PRELID3A: variants seen among roughly 807,000 people sequenced by gnomAD.
PRELID3A encodes the protein PRELI domain containing protein 3A.
PRELID3A carries 27 observed loss-of-function variants against 23.0 expected under a neutral mutation model. That is an observed-to-expected ratio of 1.17 (90% CI 0.87 to 1.62). The LOEUF is 1.62. PRELID3A is among the 40% of genes most tolerant of loss of function. The probability of loss-of-function intolerance (pLI) is 0.00; values close to 1 mark genes in which losing one functional copy is unlikely to be tolerated. For missense variants in PRELID3A, 231 were observed against 231.4 expected (o/e 1.00, Z 0.01); for synonymous variants, 87 against 86.4 (o/e 1.01, Z -0.04).
At chr18:12,417,098 AATTATTTATT>A (rs1488007380) in intron 1 of PRELID3A, among the ~76,000 whole-genome samples, 2 of 152,112 alleles carry the variant, frequency 1.3e-5, no homozygotes, top group Admixed American at 1.3e-4. Context: ...TAATTAGTAA[AATTATTTATT>A]ATGTGCATAT....
intron 1 of PRELID3A, among the ~76,000 whole-genome samples, chr18:12,411,358 C>T (rs909643709): frequency 4.1e-5 from 6 of 146,858 alleles, no homozygotes; most frequent in Non-Finnish European, 7.5e-5. Flanking sequence ...CCCAGCTACT[C>T]GGGAGGCTGA....
chr18:12,416,790 C>A (rs559611056), intron 1 of PRELID3A, among the ~76,000 whole-genome samples: 4 of 151,658 alleles, frequency 2.6e-5, no homozygotes, highest in African/African-American at 9.7e-5. Flanking sequence ...GGACTACAGA[C>A]GCCTGCCACC....
At position 12,432,171 on chromosome 18, in the gene PRELID3A, T is replaced by G. The variant is rs1311344959; in HGVS notation, c.*1055T>G. The G allele has an allele frequency of 6.6e-6, 1 of 152,266 alleles. No individual in the cohort carries two copies. Among genetic ancestry groups the G allele is most frequent in the Non-Finnish European group, 1.5e-5 (1 of 68,054 alleles). 9.4% of individuals were successfully genotyped at this position (152,266 alleles called of 1,614,324 possible). ...GCCTTCCAGAAGTTTTCTGTGCTTA[T>G]GAAAGCGTATGTGTGGCCTTTCTCT... On this transcript the variant is annotated 3_prime_UTR_variant, in exon 7 of 7. Transcript: ENST00000440960.
chr18:12,429,814 C>T (rs3760553), intron 6 of PRELID3A, among the ~76,000 whole-genome samples: 4 of 152,264 alleles, frequency 2.6e-5, no homozygotes, highest in Non-Finnish European at 5.9e-5. Flanking sequence ...GCATCTGCTG[C>T]TGTGAGCGAG....
At chr18:12,411,311 A>T (rs1337663383) in intron 1 of PRELID3A, among the ~76,000 whole-genome samples, 3 of 151,230 alleles carry the variant, frequency 2.0e-5, no homozygotes, top group African/African-American at 4.8e-5. Context: ...TAAAAAAAAA[A>T]AAAAATTAGC....
intron 1 of PRELID3A, among the ~76,000 whole-genome samples, chr18:12,418,007 G>A (rs1006092797): frequency 5.3e-5 from 8 of 152,190 alleles, no homozygotes; most frequent in African/African-American, 1.9e-4. Context: ...AGGGAGCTGC[G>A]AGACCTGGTT....
intron 1 of PRELID3A, among the ~76,000 whole-genome samples, chr18:12,413,933 AGTT>A (rs2029877845): frequency 1.3e-5 from 2 of 152,214 alleles, no homozygotes; most frequent in African/African-American, 4.8e-5. Flanking sequence ...AAATGCTATC[AGTT>A]GTTTTCCTTG....
Position 12,420,413 on chromosome 18 carries a change from C to T in PRELID3A, c.121C>T (p.Arg41Cys). 9 of 1,603,058 alleles carry T rather than the reference C, an allele frequency of 5.6e-6. No homozygotes were observed. Among genetic ancestry groups the T allele is most frequent in the Non-Finnish European group, 7.7e-6 (9 of 1,175,716 alleles). The stretch of plus-strand genomic sequence containing the variant: ...CGTGCTGGGCGTGGATGTGCTACAG[C>T]GCCGCGTGGACGGCCGCGGCCGCCT... Reference protein sequence around the residue: ...PSVLGVDVLQRRVDGRGRLHS... With the variant: ...PSVLGVDVLQCRVDGRGRLHS... Residue 41 changes from arginine to cysteine, a missense_variant, in exon 2 of 7, where the codon CGC (arginine) becomes TGC (cysteine). Physicochemically the swap from Arg to Cys is radical, Grantham distance 180. Transcript: ENST00000440960.
At chr18:12,411,570 A>G (rs890140708) in intron 1 of PRELID3A, among the ~76,000 whole-genome samples, 1 of 152,134 alleles carries the variant, frequency 6.6e-6, no homozygotes, top group African/African-American at 2.4e-5. Context: ...GCCCATCACA[A>G]ATAGATTTCC....
intron 1 of PRELID3A, among the ~76,000 whole-genome samples, chr18:12,415,886 G>A (rs487139): frequency 0.47 from 71,478 of 152,026 alleles, 17,104 homozygotes; most frequent in Admixed American, 0.52. Flanking sequence ...CAGAGCACTT[G>A]GGACACGTGT....
chr18:12,409,159 GTTTTTTTTTTTT>G (rs71371255), intron 1 of PRELID3A, among the ~76,000 whole-genome samples: 1 of 66,472 alleles, frequency 1.5e-5, no homozygotes, highest in East Asian at 5.4e-4. Flanking sequence ...CCCAGGCTGG[GTTTTTTTTTTTT>G]TTTTTTTTTT....
At chr18:12,415,502 C>A (rs960634675) in intron 1 of PRELID3A, among the ~76,000 whole-genome samples, 1 of 152,200 alleles carries the variant, frequency 6.6e-6, no homozygotes, top group Non-Finnish European at 1.5e-5. Flanking sequence ...AGTGATCCGC[C>A]CGCCTCGGCC....
intron 1 of PRELID3A, chr18:12,419,792 G>C (rs1166789465): frequency 1.3e-5 from 2 of 152,174 alleles, no homozygotes; most frequent in Non-Finnish European, 2.9e-5. Context: ...AGCCAGGCAT[G>C]GTGGGGGGCG....
In PRELID3A at chr18:12,411,142, C is replaced by T. The variant is rs182338351; in HGVS notation, c.32+3135C>T. ...GCCCGGGGAAAGGCCACTGAATTAA[C>T]GTGTGTGTTACCTAGACAGGGGTGA... On this transcript the variant is annotated intron_variant, in intron 1 of 6. Coordinates refer to ENST00000440960, the MANE Select transcript of PRELID3A (RefSeq NM_001142405.2). Among the ~76,000 whole-genome samples, 147 of 152,000 alleles carry T rather than the reference C, an allele frequency of 9.7e-4. 2 individuals carry two copies. Among genetic ancestry groups the T allele is most frequent in the Non-Finnish European group, 2.1e-4 (14 of 67,990 alleles).
chr18:12,420,586 C>A, intron 2 of PRELID3A, 93 bp downstream of exon 2: 1 of 1,286,866 alleles, frequency 7.8e-7, no homozygotes, highest in South Asian at 1.7e-5. Flanking sequence ...TCATCAGTGC[C>A]TCTGCTGCTT....
intron 3 of PRELID3A, among the ~76,000 whole-genome samples, chr18:12,423,488 G>C (rs1285566708): frequency 6.6e-6 from 1 of 152,176 alleles, no homozygotes; most frequent in Non-Finnish European, 1.5e-5. Context: ...GGAGGCTCAC[G>C]ACGCAGCTCT....
intron 3 of PRELID3A, among the ~76,000 whole-genome samples, chr18:12,425,995 G>A (rs1185414079): frequency 6.6e-6 from 1 of 152,068 alleles, no homozygotes; most frequent in Non-Finnish European, 1.5e-5. Context: ...CCAACACTTT[G>A]GGAGGGTAAG....
At chr18:12,408,236 G>A (rs943562564) in intron 1 of PRELID3A, among the ~76,000 whole-genome samples, 2 of 151,944 alleles carry the variant, frequency 1.3e-5, no homozygotes, top group East Asian at 3.9e-4. Flanking sequence ...CCTCTCCCCC[G>A]GCGTGCGCAG....
intron 3 of PRELID3A, among the ~76,000 whole-genome samples, chr18:12,425,692 C>A (rs1386040851): frequency 6.6e-6 from 1 of 151,454 alleles, no homozygotes; most frequent in East Asian, 2.0e-4. Flanking sequence ...GTAATCCCAG[C>A]ACTTTGGGAG....
Sources: gnomAD v4.1 joint callset for allele counts (sites outside exome capture counted in the v4.1 genomes callset) on GRCh38, gnomAD v4.1.1 for gene constraint, MANE v1.5 for transcripts, NCBI Gene and HGNC (gene_info 2026-07-23, HGNC 2026-07-21) for gene names.